MORC1: variants seen among roughly 807,000 people sequenced by gnomAD.
MORC1 encodes the protein MORC family CW-type zinc finger protein 1.
A neutral mutation model predicts 134.9 loss-of-function variants in MORC1; 59 were observed. The observed-to-expected ratio is 0.44, with a 90% confidence interval of 0.35 to 0.54. The LOEUF (loss-of-function observed/expected upper bound fraction) is 0.54. Ranked by LOEUF, MORC1 falls within the 20% of genes least tolerant of loss-of-function variation. The pLI, the probability that MORC1 is intolerant of heterozygous loss-of-function variation, is 0.00. For missense variants in MORC1, 947 were observed against 1,134.5 expected, an observed-to-expected ratio of 0.83 and a Z score of 2.37; for synonymous variants, 395 against 391.7, an observed-to-expected ratio of 1.01 and a Z score of -0.10.
intron 14 of MORC1, among the ~76,000 whole-genome samples, chr3:109,044,944 C>CAA (rs375280662): frequency 2.8e-4 from 18 of 64,166 alleles, no homozygotes; most frequent in African/African-American, 7.9e-4. Flanking sequence ...GACTCTGTCT[C>CAA]AAAAAAAAAA....
At chr3:109,112,932 C>T (rs950498143) in intron 2 of MORC1, among the ~76,000 whole-genome samples, 1 of 152,216 alleles carries the variant, frequency 6.6e-6, no homozygotes, top group Non-Finnish European at 1.5e-5. Context: ...ATCTTTCTTT[C>T]CCAATCAACC....
intron 27 of MORC1, among the ~76,000 whole-genome samples, chr3:108,962,882 C>T (rs1206282716): frequency 6.6e-6 from 1 of 151,958 alleles, no homozygotes; most frequent in East Asian, 1.9e-4. Flanking sequence ...AAACTGTCCT[C>T]TAAGATTAAG....
chr3:108,961,627 G>T (rs1389541718), intron 27 of MORC1, among the ~76,000 whole-genome samples: 1 of 152,226 alleles, frequency 6.6e-6, no homozygotes, highest in African/African-American at 2.4e-5. Flanking sequence ...GTGGGGCGAT[G>T]AGAGTAATAC....
intron 24 of MORC1, among the ~76,000 whole-genome samples, chr3:108,973,081 C>T (rs1334025860): frequency 6.6e-6 from 1 of 152,182 alleles, no homozygotes; most frequent in Admixed American, 6.5e-5. Flanking sequence ...AAATTAGACA[C>T]ATAATAGATA....
At chr3:108,985,244 T>C (rs746378298) in intron 22 of MORC1, among the ~76,000 whole-genome samples, 46 of 152,196 alleles carry the variant, frequency 3.0e-4, no homozygotes, top group Non-Finnish European at 6.2e-4. Flanking sequence ...AGTCATTTAG[T>C]TAGTCTTCTC....
chr3:109,110,724 A>G (rs990985545), intron 3 of MORC1, 25 bp downstream of exon 3: 3 of 1,567,274 alleles, frequency 1.9e-6, no homozygotes, highest in Non-Finnish European at 2.6e-6. Context: ...AGAAGAAAAT[A>G]AAAGAAGAAA....
At chr3:109,097,857 C>T (rs1211920869) in intron 6 of MORC1, among the ~76,000 whole-genome samples, 1 of 152,044 alleles carries the variant, frequency 6.6e-6, no homozygotes, top group African/African-American at 2.4e-5. Flanking sequence ...AAAGTAAACA[C>T]TGAATATTGT....
Position 109,035,390 on chromosome 3 carries a change from A to T in MORC1, c.1409T>A (p.Phe470Tyr). ...DIDVEKPLNSFQYQRRQAMGI... is the reference protein window; with the variant it reads ...DIDVEKPLNSYQYQRRQAMGI... ...CATGGCTTGTCTTCTTTGATATTGA[A>T]AAGAATTTAAAGGTTTCTCCACATC... Residue 470 changes from phenylalanine to tyrosine, a missense_variant, in exon 15 of 28, where the codon TTT becomes TAT. Phe to Tyr is a conservative substitution (Grantham distance 22, BLOSUM62 3). Transcript: ENST00000232603. The T allele has an allele frequency of 6.3e-7, 1 of 1,578,264 alleles. No individual in the cohort carries two copies. The highest frequency in any genetic ancestry group is 8.7e-7 in the Non-Finnish European group (1 of 1,155,328).
chr3:109,014,507 C>T (rs562605562), intron 17 of MORC1, among the ~76,000 whole-genome samples: 5 of 152,280 alleles, frequency 3.3e-5, no homozygotes, highest in East Asian at 1.9e-4. Context: ...CATTCAGATG[C>T]TTTATATTAA....
At chr3:109,054,334 T>C (rs1338553134) in intron 14 of MORC1, among the ~76,000 whole-genome samples, 1 of 152,142 alleles carries the variant, frequency 6.6e-6, no homozygotes, top group Admixed American at 6.5e-5. Context: ...TCAGTAGTTT[T>C]TACTCCATGG....
intron 3 of MORC1, among the ~76,000 whole-genome samples, chr3:109,105,887 G>A (rs756544491): frequency 8.6e-5 from 13 of 152,018 alleles, no homozygotes; most frequent in Non-Finnish European, 1.9e-4. Flanking sequence ...CATTTTCCCA[G>A]TTCCTTCTCT....
intron 3 of MORC1, among the ~76,000 whole-genome samples, chr3:109,104,488 G>C (rs966691740): frequency 4.6e-5 from 7 of 152,078 alleles, no homozygotes; most frequent in Admixed American, 2.0e-4. Context: ...TTAATGATTT[G>C]AAGATATCAT....
chr3:109,057,251 T>C (rs775808112), intron 13 of MORC1, 92 bp downstream of exon 13: 17 of 1,319,592 alleles, frequency 1.3e-5, no homozygotes, highest in Middle Eastern at 1.9e-4. Flanking sequence ...CTTGCTCCCA[T>C]TGTGATTAGT....
At chr3:109,100,915 G>T (rs1374024743) in intron 4 of MORC1, among the ~76,000 whole-genome samples, 2 of 152,154 alleles carry the variant, frequency 1.3e-5, no homozygotes, top group African/African-American at 4.8e-5. Flanking sequence ...ATATATATAG[G>T]TTATACGGAA....
At chr3:109,055,020 A>G (rs1043358949) in intron 13 of MORC1, 138 bp from the exon 14 acceptor site, 5 of 764,004 alleles carry the variant, frequency 6.5e-6, no homozygotes, top group Non-Finnish European at 8.3e-6. Flanking sequence ...AAGTTTAACA[A>G]GTTAGCTAAT....
At position 109,054,875 on chromosome 3, in the gene MORC1, C is replaced by A. The variant is rs114679116; in HGVS notation, c.1183G>T (p.Ala395Ser). 9 of 1,594,282 alleles carry A rather than the reference C, an allele frequency of 5.6e-6. No individual in the cohort carries two copies. In the African/African-American group the frequency reaches 9.5e-5, roughly 17 times the overall value. ...ATATTAACAATTCCAACCACGCCTG[C>A]GCCAAGTCTGAGAAAATATATGCAT... ...SQLKLKSLLGAGVVGIVNIPL... is the reference protein window; with the variant it reads ...SQLKLKSLLGSGVVGIVNIPL... Residue 395 changes from alanine (A) to serine (S), a missense_variant, in exon 14 of 28, where the codon GCA becomes TCA. By Grantham distance (99) the Ala-to-Ser change is moderately conservative. Around this residue, in one of 3 missense-constraint regions of MORC1, gnomAD observed 722 missense variants for 817.0 expected, o/e 0.88. Transcript: ENST00000232603.
chr3:109,117,691 G>C (rs530361399), intron 1 of MORC1, among the ~76,000 whole-genome samples: 2 of 152,282 alleles, frequency 1.3e-5, no homozygotes, highest in East Asian at 3.9e-4. Flanking sequence ...GGCAGACTAA[G>C]GTTAGGCAGG....
intron 26 of MORC1, among the ~76,000 whole-genome samples, chr3:108,964,463 T>C (rs1242636939): frequency 6.6e-6 from 1 of 152,210 alleles, no homozygotes; most frequent in Non-Finnish European, 1.5e-5. Context: ...CTTTTGGGCC[T>C]ACCCTTCCCT....
intron 23 of MORC1, among the ~76,000 whole-genome samples, chr3:108,983,592 CAG>C: frequency 6.6e-6 from 1 of 152,248 alleles, no homozygotes; most frequent in East Asian, 1.9e-4. Context: ...AATGGGAAGA[CAG>C]AGATTCAAAC....
Sources: allele counts gnomAD v4.1 joint callset (sites outside exome capture counted in the v4.1 genomes callset), GRCh38; gene constraint gnomAD v4.1.1; regional missense constraint gnomAD v4.1.1; transcripts MANE v1.5; gene names NCBI Gene and HGNC (gene_info 2026-07-23, HGNC 2026-07-21).